GRM8: variants seen among roughly 807,000 people sequenced by gnomAD.
GRM8 encodes the protein metabotropic glutamate receptor 8.
A neutral mutation model predicts 87.2 loss-of-function variants in GRM8; 47 were observed. The ratio of observed to expected loss-of-function variants is 0.54; its 90% CI spans 0.43 to 0.69. The LOEUF (loss-of-function observed/expected upper bound fraction) is 0.69, where lower values mean the gene tolerates loss of function less well. Among genes scored for constraint, GRM8 ranks in the 30% least tolerant of loss-of-function variants. The pLI, the probability that GRM8 is intolerant of heterozygous loss-of-function variation, is 0.00. For missense variants in GRM8, 1,019 were observed against 1,139.2 expected, an observed-to-expected ratio of 0.89 and a Z score of 1.52; for synonymous variants, 396 against 404.5, an observed-to-expected ratio of 0.98 and a Z score of 0.25.
At chr7:126,453,024 C>T (rs557356275) in intron 9 of GRM8, among the ~76,000 whole-genome samples, 4 of 151,136 alleles carry the variant, frequency 2.6e-5, no homozygotes, top group Admixed American at 2.6e-4. Context: ...CTTAACACTA[C>T]TTCTCTCTCA....
chr7:127,034,218 A>G (rs1468824903), intron 3 of GRM8, among the ~76,000 whole-genome samples: 3 of 152,228 alleles, frequency 2.0e-5, no homozygotes, highest in African/African-American at 7.2e-5. Flanking sequence ...CAGCCTGCAG[A>G]AAAGCCTTAA....
intron 2 of GRM8, among the ~76,000 whole-genome samples, chr7:127,201,810 A>G (rs976376871): frequency 6.6e-6 from 1 of 152,210 alleles, no homozygotes; most frequent in Non-Finnish European, 1.5e-5. Context: ...GGATGGCCCA[A>G]ATCATGAGAA....
chr7:126,560,611 C>T (rs976413755), intron 8 of GRM8, among the ~76,000 whole-genome samples: 1 of 151,994 alleles, frequency 6.6e-6, no homozygotes, highest in African/African-American at 2.4e-5. Flanking sequence ...GGTAAATAGG[C>T]CTTATATAAT....
intron 2 of GRM8, among the ~76,000 whole-genome samples, chr7:127,140,404 A>G (rs1268952243): frequency 1.3e-5 from 2 of 152,166 alleles, no homozygotes; most frequent in African/African-American, 4.8e-5. Flanking sequence ...TATTTTCTCA[A>G]TTGTCCCCTA....
At chr7:126,626,286 T>A (rs892929852) in intron 7 of GRM8, among the ~76,000 whole-genome samples, 2 of 152,194 alleles carry the variant, frequency 1.3e-5, no homozygotes, top group African/African-American at 4.8e-5. Context: ...ATGGCTTGTA[T>A]AAGAATCTCT....
intron 9 of GRM8, among the ~76,000 whole-genome samples, 159 bp downstream of exon 9, chr7:126,532,793 A>G (rs1361781313): frequency 2.6e-5 from 1 of 38,972 alleles, no homozygotes; most frequent in Non-Finnish European, 6.6e-5. Context: ...ATATATATAT[A>G]TATATATATA....
chr7:126,810,070 GA>G (rs1455704598), intron 6 of GRM8, among the ~76,000 whole-genome samples: 3 of 152,084 alleles, frequency 2.0e-5, no homozygotes, highest in Non-Finnish European at 4.4e-5. Context: ...GTATAAAGGG[GA>G]AAACATACTC....
chr7:127,159,588 G>T (rs1234360446), intron 2 of GRM8, among the ~76,000 whole-genome samples: 1 of 152,034 alleles, frequency 6.6e-6, no homozygotes, highest in Non-Finnish European at 1.5e-5. Flanking sequence ...AAAATGACAG[G>T]ACTGAAAGTT....
intron 7 of GRM8, among the ~76,000 whole-genome samples, chr7:126,680,675 TTGTCTA>T: frequency 6.6e-6 from 1 of 152,336 alleles, no homozygotes; most frequent in South Asian, 2.1e-4. Context: ...CATTTTATCA[TTGTCTA>T]TCTGCCCTGG....
chr7:126,649,862 C>T (rs2151238819), intron 7 of GRM8, among the ~76,000 whole-genome samples: 1 of 152,258 alleles, frequency 6.6e-6, no homozygotes, highest in South Asian at 2.1e-4. Flanking sequence ...GCCACTTGGG[C>T]CATATGACCC....
intron 2 of GRM8, among the ~76,000 whole-genome samples, chr7:127,186,217 GT>G (rs1794728985): frequency 6.6e-6 from 1 of 152,150 alleles, no homozygotes; most frequent in Admixed American, 6.6e-5. Context: ...AACTATTAAT[GT>G]CTTGGTGGGG....
In GRM8 at chr7:126,533,248, C is replaced by T; in HGVS notation, c.2134G>A (p.Val712Ile). The change falls in exon 9 of 11, where the codon GTC (valine) becomes ATC (isoleucine). Residue 712 changes from valine to isoleucine, a missense_variant. Physicochemically the swap from Val to Ile is conservative, Grantham distance 29. Coordinates refer to ENST00000339582, the MANE Select transcript of GRM8 (RefSeq NM_000845.3). Reference sequence around the variant, plus strand: ...TGGGGGGGATCCACAACAAACCAGACAAACACTCCAAGGAGCTGGACGGAG... The same window carrying T: ...TGGGGGGGATCCACAACAAACCAGATAAACACTCCAAGGAGCTGGACGGAG... The part of the protein sequence containing the change: ...LISVQLLGVF[V>I]WFVVDPPHII... 6.2e-7 allele frequency: 1 copy of T among 1,613,554 alleles called. No individual in the cohort carries two copies. The highest frequency in any genetic ancestry group is 8.5e-7 in the Non-Finnish European group (1 of 1,179,886).
At chr7:126,544,658 C>T (rs115992223) in intron 8 of GRM8, among the ~76,000 whole-genome samples, 2,395 of 152,006 alleles carry the variant, frequency 0.016, 73 homozygotes, top group African/African-American at 0.055. Context: ...CTAAGGTGCA[C>T]GCCACCACGC....
At chr7:127,149,952 A>G (rs1479671345) in intron 2 of GRM8, among the ~76,000 whole-genome samples, 2 of 151,998 alleles carry the variant, frequency 1.3e-5, no homozygotes, top group Non-Finnish European at 2.9e-5. Context: ...AAGTCTAGAG[A>G]TCTAATGTAC....
chr7:126,992,703 T>C (rs1479303329), intron 3 of GRM8, among the ~76,000 whole-genome samples: 1 of 152,170 alleles, frequency 6.6e-6, no homozygotes, highest in Admixed American at 6.5e-5. Flanking sequence ...AAATGGGTAC[T>C]TTGATAGGTA....
chr7:126,783,694 G>A (rs1436210233), intron 6 of GRM8, among the ~76,000 whole-genome samples: 1 of 152,218 alleles, frequency 6.6e-6, no homozygotes, highest in Non-Finnish European at 1.5e-5. Context: ...AAAAGGTAGA[G>A]TTGGTATGGG....
At chr7:126,977,786 G>A (rs947006170) in intron 3 of GRM8, among the ~76,000 whole-genome samples, 1 of 152,180 alleles carries the variant, frequency 6.6e-6, no homozygotes, top group Non-Finnish European at 1.5e-5. Context: ...CAATGTCCTG[G>A]AAGAAAATAG....
chr7:126,612,990 G>T (rs1049325903), intron 7 of GRM8, among the ~76,000 whole-genome samples: 10 of 152,192 alleles, frequency 6.6e-5, no homozygotes, highest in African/African-American at 2.2e-4. Flanking sequence ...TAGCTGAAGT[G>T]GTTTTTATTA....
intron 7 of GRM8, among the ~76,000 whole-genome samples, chr7:126,711,217 T>G (rs1485709142): frequency 6.6e-6 from 1 of 152,130 alleles, no homozygotes; most frequent in African/African-American, 2.4e-5. Context: ...ATAGTAAGAC[T>G]TGAAAGTCAA....
Sources: allele counts gnomAD v4.1 joint callset (sites outside exome capture counted in the v4.1 genomes callset), GRCh38; gene constraint gnomAD v4.1.1; transcripts MANE v1.5; gene names NCBI Gene and HGNC (gene_info 2026-07-23, HGNC 2026-07-21).